Variants in NELL2 observed in about 807,000 individuals in gnomAD.
NELL2 encodes neural EGFL like 2, also known as protein kinase C-binding protein NELL2.
A neutral mutation model predicts 109.6 loss-of-function variants in NELL2; 41 were observed. The ratio of observed to expected loss-of-function variants is 0.37; its 90% CI spans 0.29 to 0.49. The LOEUF is 0.49. Among genes scored for constraint, NELL2 ranks in the 20% least tolerant of loss-of-function variants. The pLI, the probability that NELL2 is intolerant of heterozygous loss-of-function variation, is 0.98. For synonymous variants in NELL2, 355 were observed against 344.7 expected, an observed-to-expected ratio of 1.03 and a Z score of -0.33; for missense variants, 900 against 1,008.3, an observed-to-expected ratio of 0.89 and a Z score of 1.45.
chr12:44,756,439 C>T (rs1384123513), intron 9 of NELL2, among the ~76,000 whole-genome samples: 4 of 152,034 alleles, frequency 2.6e-5, no homozygotes, highest in Non-Finnish European at 4.4e-5. Flanking sequence ...CCTACATGTG[C>T]ATCCAGTAAC....
At chr12:44,659,095 T>C (rs1240321887) in intron 13 of NELL2, among the ~76,000 whole-genome samples, 1 of 152,052 alleles carries the variant, frequency 6.6e-6, no homozygotes, top group South Asian at 2.1e-4. Flanking sequence ...AAACAAGCAA[T>C]GGGGAAAGAA....
intron 9 of NELL2, among the ~76,000 whole-genome samples, chr12:44,763,179 G>T (rs1941195763): frequency 6.6e-6 from 1 of 152,112 alleles, no homozygotes; most frequent in Non-Finnish European, 1.5e-5. Flanking sequence ...TGTGCATCTT[G>T]TTCTATACCA....
intron 13 of NELL2, among the ~76,000 whole-genome samples, chr12:44,640,828 G>A (rs1055059975): frequency 1.2e-4 from 19 of 152,006 alleles, no homozygotes; most frequent in Admixed American, 2.0e-4. Context: ...ATTTCCTTCC[G>A]TCATCAAATA....
chr12:44,668,851 A>C (rs939817017), intron 12 of NELL2, among the ~76,000 whole-genome samples: 1 of 152,080 alleles, frequency 6.6e-6, no homozygotes, highest in East Asian at 1.9e-4. Flanking sequence ...AGTGTCACAA[A>C]TGCTGTCTAA....
intron 19 of NELL2, among the ~76,000 whole-genome samples, chr12:44,509,860 G>T (rs1254776008): frequency 6.6e-6 from 1 of 152,140 alleles, no homozygotes; most frequent in Non-Finnish European, 1.5e-5. Context: ...TGTTCTGTGA[G>T]GTGATATTTA....
intron 2 of NELL2, among the ~76,000 whole-genome samples, chr12:44,868,179 C>A (rs1008534335): frequency 9.6e-5 from 14 of 145,780 alleles, no homozygotes; most frequent in Non-Finnish European, 2.1e-4. Flanking sequence ...AAAACAATCT[C>A]ATTTACAATG....
chr12:44,806,135 A>C (rs1449051153), intron 3 of NELL2, among the ~76,000 whole-genome samples: 2 of 151,866 alleles, frequency 1.3e-5, no homozygotes, highest in Non-Finnish European at 2.9e-5. Context: ...TAAAAACTTA[A>C]AGGCAAATTA....
At chr12:44,541,166 G>C (rs1942544432) in intron 15 of NELL2, among the ~76,000 whole-genome samples, 1 of 149,024 alleles carries the variant, frequency 6.7e-6, no homozygotes, top group Non-Finnish European at 1.5e-5. Context: ...CAGGAGAATG[G>C]TGTGAACCCA....
At chr12:44,798,238 A>G (rs1024450820) in intron 3 of NELL2, among the ~76,000 whole-genome samples, 1 of 151,744 alleles carries the variant, frequency 6.6e-6, no homozygotes, top group Admixed American at 6.6e-5. Flanking sequence ...AAATTTTCAA[A>G]TCTATAAGGT....
intron 15 of NELL2, among the ~76,000 whole-genome samples, chr12:44,603,782 A>C (rs1945303424): frequency 6.6e-6 from 1 of 152,160 alleles, no homozygotes. Flanking sequence ...CAGAAACAGA[A>C]ATGAGGGGAG....
chr12:44,645,507 G>T (rs995793487), intron 13 of NELL2, among the ~76,000 whole-genome samples: 20 of 152,174 alleles, frequency 1.3e-4, no homozygotes, highest in African/African-American at 4.8e-4. Flanking sequence ...TGGCCTCAGT[G>T]TCCATGGTGT....
chr12:44,520,196 G>C lies in NELL2; in HGVS notation c.2209C>G (p.Pro737Ala), dbSNP rs1941467681. 1 of 1,613,012 alleles carries C rather than the reference G, an allele frequency of 6.2e-7. No individual in the cohort carries two copies. The highest frequency in any genetic ancestry group is 1.3e-5 in the African/African-American group (1 of 74,848). The change falls in exon 19 of 20, where the codon CCA (proline) becomes GCA (alanine). Residue 737 changes from proline (P) to alanine (A), a missense_variant. This residue lies in a region of NELL2 where 333 missense variants were observed against 432.3 expected (regional missense o/e 0.77). Coordinates refer to ENST00000429094, the MANE Select transcript of NELL2 (RefSeq NM_001145108.2). ...ATGCTGAATTCACACTCCACATCTG[G>C]GCAAGGCAGGGGCCAACAATCAACT... ...GEVDCWPLPC[P>A]DVECEFSILP... is the part of the protein sequence containing the mutation.
intron 2 of NELL2, among the ~76,000 whole-genome samples, chr12:44,864,559 A>T (rs1944933918): frequency 6.6e-6 from 1 of 152,250 alleles, no homozygotes; most frequent in Non-Finnish European, 1.5e-5. Flanking sequence ...ACCTAAATAT[A>T]TAAAGCAAAT....
chr12:44,662,653 C>T (rs1016816426), intron 13 of NELL2, among the ~76,000 whole-genome samples: 2 of 152,084 alleles, frequency 1.3e-5, no homozygotes, highest in Admixed American at 6.6e-5. Flanking sequence ...AATTTGTATG[C>T]CAGAGTTACT....
intron 13 of NELL2, among the ~76,000 whole-genome samples, chr12:44,628,614 C>T (rs560515521): frequency 6.6e-6 from 1 of 152,258 alleles, no homozygotes; most frequent in Non-Finnish European, 1.5e-5. Flanking sequence ...CCCTCAGGAC[C>T]CCAGTGAGGC....
chr12:44,531,796 A>T (rs1592077387), intron 16 of NELL2, among the ~76,000 whole-genome samples: 1 of 152,210 alleles, frequency 6.6e-6, no homozygotes, highest in African/African-American at 2.4e-5. Context: ...GCAAATGGAG[A>T]AAACAATGAG....
chr12:44,574,175 C>T (rs1403435975), intron 15 of NELL2, among the ~76,000 whole-genome samples: 2 of 151,938 alleles, frequency 1.3e-5, no homozygotes, highest in Non-Finnish European at 2.9e-5. Flanking sequence ...GTGATCTCGG[C>T]TCACTGCAAC....
intron 12 of NELL2, among the ~76,000 whole-genome samples, chr12:44,668,098 G>A (rs1947997192): frequency 6.6e-6 from 1 of 152,092 alleles, no homozygotes; most frequent in Non-Finnish European, 1.5e-5. Context: ...GAGCACCATG[G>A]CATCCCTTCA....
chr12:44,681,477 T>C lies in NELL2; in HGVS notation c.1319-15868A>G, dbSNP rs540952500. On this transcript the variant is annotated intron_variant, in intron 12 of 19. Coordinates refer to ENST00000429094, the MANE Select transcript of NELL2 (RefSeq NM_001145108.2). ...ACATGTGCACAATGTGCAGGTTAGT[T>C]ACATATGTATACATGCTCCATGCTG... Among the ~76,000 whole-genome samples the C allele has an allele frequency of 9.9e-5, 15 of 152,070 alleles. No individual in the cohort carries two copies. The South Asian group carries it at 1.0e-3, about 11-fold the overall frequency.
Sources: gnomAD v4.1 joint callset for allele counts (sites outside exome capture counted in the v4.1 genomes callset) on GRCh38, gnomAD v4.1.1 for gene constraint, gnomAD v4.1.1 regional missense constraint, MANE v1.5 for transcripts, NCBI Gene and HGNC (gene_info 2026-07-23, HGNC 2026-07-21) for gene names.